Variants in WSCD2 observed in about 807,000 individuals in gnomAD.
WSCD2 encodes the protein WSC domain sialate O sulfotransferase 2, also known as sialate:O-sulfotransferase 2.
A neutral mutation model predicts 55.7 loss-of-function variants in WSCD2; 28 were observed. That is an observed-to-expected ratio of 0.50 (90% confidence interval 0.37 to 0.69). WSCD2 has a LOEUF of 0.69. Among genes scored for constraint, WSCD2 ranks in the 30% least tolerant of loss-of-function variants. WSCD2 has a pLI of 0.00. For missense variants in WSCD2, 616 were observed against 762.1 expected (o/e 0.81, Z 2.26); for synonymous variants, 301 against 301.9 (o/e 1.00, Z 0.03).
At chr12:108,245,778 G>T (rs1593132557) in intron 8 of WSCD2, among the ~76,000 whole-genome samples, 1 of 152,190 alleles carries the variant, frequency 6.6e-6, no homozygotes, top group South Asian at 2.1e-4. Context: ...TAATTACTCA[G>T]ATACATCTGG....
chr12:108,213,555 G>C (rs1268051406), intron 4 of WSCD2, among the ~76,000 whole-genome samples: 2 of 152,196 alleles, frequency 1.3e-5, no homozygotes, highest in Non-Finnish European at 2.9e-5. Context: ...CACAAAGAAG[G>C]GGGCAGCTCG....
chr12:108,210,183 C>A lies in WSCD2; in HGVS notation c.560C>A (p.Ala187Glu), dbSNP rs368311688. Residue 187 changes from alanine to glutamate, a missense_variant, in exon 4 of 9, where the codon GCG becomes GAG. Ala to Glu is a moderately radical substitution (Grantham distance 107, BLOSUM62 -1). This residue lies in a region of WSCD2 where 374 missense variants were observed against 467.4 expected (regional missense o/e 0.80). Coordinates refer to ENST00000547525, the MANE Select transcript of WSCD2 (RefSeq NM_014653.4). This position sits in a 1 kb window ranked among gnomAD's most constrained non-coding sequence, Gnocchi z 4.3. ...TGCTACTGCGGCCACAAGATCCAGG[C>A]GACGAACGTGAGCGAGGCAGAGTGC... ...AECYCGHKIQATNVSEAECDM... is the reference protein window; with the variant it reads ...AECYCGHKIQETNVSEAECDM... 3 of 1,614,106 alleles carry A rather than the reference C, an allele frequency of 1.9e-6. No homozygotes were observed. Among genetic ancestry groups the A allele is most frequent in the Non-Finnish European group, 1.7e-6 (2 of 1,179,994 alleles).
intron 1 of WSCD2, among the ~76,000 whole-genome samples, chr12:108,187,436 C>CA (rs1428620010): frequency 6.6e-6 from 1 of 152,230 alleles, no homozygotes; most frequent in African/African-American, 2.4e-5. Context: ...AAGAAACTGT[C>CA]ATGACAGGTT....
chr12:108,247,037 A>G (rs968563384), intron 8 of WSCD2, among the ~76,000 whole-genome samples: 2 of 152,230 alleles, frequency 1.3e-5, no homozygotes, highest in African/African-American at 4.8e-5. Flanking sequence ...TCTACTTTGT[A>G]CAAGAGCTCC....
intron 4 of WSCD2, among the ~76,000 whole-genome samples, chr12:108,216,393 T>G (rs1488020883): frequency 6.6e-6 from 1 of 152,208 alleles, no homozygotes; most frequent in African/African-American, 2.4e-5. Flanking sequence ...TAGAAAGGTT[T>G]GATCATTAGG....
chr12:108,169,496 G>T (rs992258637), intron 1 of WSCD2, among the ~76,000 whole-genome samples: 11 of 152,246 alleles, frequency 7.2e-5, no homozygotes, highest in Admixed American at 2.0e-4. Context: ...AGTTTGAAAG[G>T]TCAGTGTGAG....
At position 108,196,089 on chromosome 12, in the gene WSCD2, C is replaced by T; in HGVS notation, c.257C>T (p.Ala86Val). 10 of 1,614,168 alleles carry T rather than the reference C, an allele frequency of 6.2e-6. No homozygotes were observed. Among genetic ancestry groups the T allele is most frequent in the South Asian group, 1.1e-5 (1 of 91,070 alleles). Residue 86 changes from alanine (A) to valine (V), a missense_variant, in exon 2 of 9, where the codon GCT (alanine) becomes GTT (valine). By Grantham distance (64) the Ala-to-Val change is moderately conservative. Around this residue, in one of 3 missense-constraint regions of WSCD2, gnomAD observed 374 missense variants for 467.4 expected, o/e 0.80. Coordinates refer to ENST00000547525, the MANE Select transcript of WSCD2 (RefSeq NM_014653.4). ...FRDTGEASSI[A>V]RRYGPWFKGK... The stretch of plus-strand genomic sequence containing the variant: ...GACACAGGTGAAGCCTCAAGCATTG[C>T]TCGCAGGTACGGACCCTGGTTCAAG...
chr12:108,147,759 G>C (rs1454055653), intron 1 of WSCD2, among the ~76,000 whole-genome samples: 2 of 151,866 alleles, frequency 1.3e-5, no homozygotes, highest in Non-Finnish European at 2.9e-5. Context: ...CACACCTGTA[G>C]TCCCAGCTTC....
chr12:108,206,222 G>A, intron 2 of WSCD2, 67 bp from the exon 3 acceptor site: 1 of 1,330,070 alleles, frequency 7.5e-7, no homozygotes, highest in South Asian at 1.2e-5. Flanking sequence ...ACACATTGGT[G>A]AGGCTTCCTC....
intron 6 of WSCD2, among the ~76,000 whole-genome samples, chr12:108,231,497 C>T (rs903509898): frequency 2.6e-5 from 4 of 152,228 alleles, no homozygotes; most frequent in Non-Finnish European, 5.9e-5. Context: ...CCAAATGGTA[C>T]TCACCACATC....
chr12:108,210,890 G>A lies in WSCD2; in HGVS notation c.682+585G>A, dbSNP rs1268284843. Among the ~76,000 whole-genome samples the A allele has an allele frequency of 2.0e-5, 3 of 152,202 alleles. No individual in the cohort carries two copies. The highest frequency in any genetic ancestry group is 4.4e-5 in the Non-Finnish European group (3 of 68,040). On this transcript the variant is annotated intron_variant, in intron 4 of 8. Transcript: ENST00000547525. The surrounding 1 kb of genome is among the most constrained non-coding windows in gnomAD (Gnocchi z 4.3). ...TCATCCTGGCTTTTTCAAGCTTCTG[G>A]TTTGAGTCTTGTTGGAAAATCTCTC...
At position 108,206,300 on chromosome 12, in the gene WSCD2, G is replaced by A. The variant is rs749259990; in HGVS notation, c.394G>A (p.Gly132Ser). The A allele has an allele frequency of 6.2e-7, 1 of 1,614,112 alleles. No homozygotes were observed. Among genetic ancestry groups the A allele is most frequent in the East Asian group, 2.2e-5 (1 of 44,886 alleles). Residue 132 changes from glycine (G) to serine (S), a missense_variant, in exon 3 of 9, where the codon GGC becomes AGC. Around this residue, in one of 3 missense-constraint regions of WSCD2, gnomAD observed 374 missense variants for 467.4 expected, o/e 0.80. Coordinates refer to ENST00000547525, the MANE Select transcript of WSCD2 (RefSeq NM_014653.4). ...EKEEERAKYIGCYLDDTQSRA... is the reference protein window; with the variant it reads ...EKEEERAKYISCYLDDTQSRA... ...TCCTTTCCCCAAAGCCAAGTACATC[G>A]GCTGCTACCTGGATGACACCCAGAG...
At chr12:108,175,980 C>G (rs1880805864) in intron 1 of WSCD2, among the ~76,000 whole-genome samples, 1 of 152,126 alleles carries the variant, frequency 6.6e-6, no homozygotes. Context: ...GCTGGGACTA[C>G]AGGCACCCGC....
chr12:108,182,679 C>G (rs1431564440), intron 1 of WSCD2, among the ~76,000 whole-genome samples: 4 of 152,192 alleles, frequency 2.6e-5, no homozygotes, highest in African/African-American at 9.7e-5. Context: ...TTGTTTCCCT[C>G]TCAGTAAATC....
rs1277547073 is a variant in WSCD2 at position 108,248,547 on chromosome 12, T to A, written c.*204T>A. On this transcript the variant is annotated 3_prime_UTR_variant, in exon 9 of 9. Transcript: ENST00000547525. The surrounding 1 kb of genome is among the most constrained non-coding windows in gnomAD (Gnocchi z 4.3). ...CCCAGGCACTACCACTCTGCTCACATGTTCCCCCCTTGGCAATGTGGGGCA... is the reference window on the plus strand; with the variant it reads ...CCCAGGCACTACCACTCTGCTCACAAGTTCCCCCCTTGGCAATGTGGGGCA... 2.2e-6 allele frequency: 3 copies of A among 1,391,444 alleles called. No homozygotes were observed. The highest frequency in any genetic ancestry group is 5.2e-5 in the East Asian group (2 of 38,182). The allele number at this position is 1,391,444 out of a possible 1,614,324, so 86.2% of individuals were successfully genotyped here. A position where few individuals can be genotyped will look rare whatever the true frequency, so the allele number is the denominator to read the frequency against.
At chr12:108,163,942 G>T (rs1879334845) in intron 1 of WSCD2, among the ~76,000 whole-genome samples, 1 of 151,962 alleles carries the variant, frequency 6.6e-6, no homozygotes, top group Admixed American at 6.6e-5. Flanking sequence ...ATTAAGGAAA[G>T]ATACTAAAAG....
chr12:108,168,709 G>T (rs1879917346), intron 1 of WSCD2, among the ~76,000 whole-genome samples: 1 of 152,170 alleles, frequency 6.6e-6, no homozygotes, highest in Admixed American at 6.5e-5. Flanking sequence ...ATGCTAGCTT[G>T]AAAGAATGGT....
intron 6 of WSCD2, among the ~76,000 whole-genome samples, chr12:108,229,828 T>G (rs1888540132): frequency 6.6e-6 from 1 of 150,614 alleles, no homozygotes; most frequent in Admixed American, 6.6e-5. Flanking sequence ...GAGCCTGGTC[T>G]GCCCCACCCG....
intron 8 of WSCD2, 22 bp downstream of exon 8, chr12:108,240,566 G>T: frequency 6.6e-7 from 1 of 1,505,562 alleles, no homozygotes. Context: ...GAGAGGAGGG[G>T]AGGGGAGGGG....
Sources: gnomAD v4.1 joint callset for allele counts (sites outside exome capture counted in the v4.1 genomes callset) on GRCh38, gnomAD v4.1.1 for gene constraint, gnomAD v4.1.1 regional missense constraint, Gnocchi (gnomAD v3.1) non-coding constraint, MANE v1.5 for transcripts, NCBI Gene and HGNC (gene_info 2026-07-23, HGNC 2026-07-21) for gene names.